Variants in MUC12 observed in about 807,000 individuals in gnomAD.
The protein encoded by MUC12 is mucin 12, cell surface associated.
A neutral mutation model predicts 230.8 loss-of-function variants in MUC12; 172 were observed. The ratio of observed to expected loss-of-function variants is 0.75; its 90% CI spans 0.66 to 0.85. The LOEUF (loss-of-function observed/expected upper bound fraction) is 0.85. Among genes scored for constraint, MUC12 ranks in the 40% least tolerant of loss-of-function variants. MUC12 has a pLI of 0.00. For synonymous variants in MUC12, 1,259 were observed against 2,401.9 expected, an observed-to-expected ratio of 0.52 and a Z score of 13.91; for missense variants, 3,506 against 5,920.6, an observed-to-expected ratio of 0.59 and a Z score of 13.38.
rs1466446663 is a variant in MUC12 at position 100,995,576 on chromosome 7, C to G, written c.5013C>G (p.His1671Gln). 3.9e-6 allele frequency: 6 copies of G among 1,536,660 alleles called. No individual in the cohort carries two copies. Among genetic ancestry groups the G allele is most frequent in the Non-Finnish European group, 5.2e-6 (6 of 1,146,980 alleles). The change falls in exon 2 of 12, where the codon CAC becomes CAG. Residue 1671 changes from histidine (H) to glutamine (Q), a missense_variant. His to Gln is a conservative substitution (Grantham distance 24, BLOSUM62 0). Coordinates refer to ENST00000536621, the MANE Select transcript of MUC12 (RefSeq NM_001164462.2). ...TPVHSSTGSPHTTLSPAGSTT... is the reference protein window; with the variant it reads ...TPVHSSTGSPQTTLSPAGSTT... ...TCCACAGCAGCACTGGATCGCCACA[C>G]ACAACACTGTCCCCTGCCGGCTCTA...
chr7:101,011,616 CTCA>C (rs746807539), intron 5 of MUC12, among the ~76,000 whole-genome samples: 58 of 152,052 alleles, frequency 3.8e-4, no homozygotes, highest in Admixed American at 7.9e-4. Flanking sequence ...GAGATGGGGT[CTCA>C]TCATGTTGCC....
rs755390941 is a variant in MUC12 at position 100,990,658 on chromosome 7, G to T, written c.95G>T (p.Gly32Val). 2.6e-6 allele frequency: 4 copies of T among 1,537,412 alleles called. No individual in the cohort carries two copies. In the African/African-American group the frequency reaches 5.5e-5, roughly 21 times the overall value. Residue 32 changes from glycine (G) to valine (V), a missense_variant, in exon 2 of 12, where the codon GGT (glycine) becomes GTT (valine). Gly to Val is a moderately radical substitution (Grantham distance 109). Coordinates refer to ENST00000536621, the MANE Select transcript of MUC12 (RefSeq NM_001164462.2). ...TCAACAGTAAACACCAGTATTGGAG[G>T]TAATACAACTTCTGCATCCACACCC... is the stretch of plus-strand genomic sequence containing the variant. ...PGSTVNTSIGGNTTSASTPSS... is the reference protein window; with the variant it reads ...PGSTVNTSIGVNTTSASTPSS...
Position 101,005,469 on chromosome 7 carries a change from G to A in MUC12, c.14906G>A (p.Ser4969Asn). The A allele has an allele frequency of 1.3e-6, 2 of 1,537,720 alleles. No homozygotes were observed. Among genetic ancestry groups the A allele is most frequent in the African/African-American group, 1.4e-5 (1 of 73,160 alleles). The change falls in exon 2 of 12, where the codon AGC (serine) becomes AAC (asparagine). Residue 4969 changes from serine to asparagine, a missense_variant. Physicochemically the swap from Ser to Asn is conservative, Grantham distance 46. Coordinates refer to ENST00000536621, the MANE Select transcript of MUC12 (RefSeq NM_001164462.2). ...EESTTFHTSP[S>N]FTSTIVSTES... ...TCTACCACCTTCCACACCAGTCCAAGCTTCACTTCTACAATTGTGTCTACT... is the reference window on the plus strand; with the variant it reads ...TCTACCACCTTCCACACCAGTCCAAACTTCACTTCTACAATTGTGTCTACT...
chr7:101,017,466 G>T, intron 10 of MUC12, 109 bp from the exon 11 acceptor site: 1 of 708,092 alleles, frequency 1.4e-6, no homozygotes, highest in Admixed American at 2.4e-5. Flanking sequence ...GGGAAAGGGC[G>T]TAGGGCAGAT....
chr7:100,995,712 C>G lies in MUC12; in HGVS notation c.5149C>G (p.His1717Asp), dbSNP rs1319642071. The G allele has an allele frequency of 7.8e-6, 12 of 1,536,746 alleles. No homozygotes were observed. The highest frequency in any genetic ancestry group is 1.0e-5 in the Non-Finnish European group (12 of 1,146,942). Residue 1717 changes from histidine to aspartate, a missense_variant, in exon 2 of 12, where the codon CAC (histidine) becomes GAC (aspartate). Physicochemically the swap from His to Asp is moderately conservative, Grantham distance 81. Transcript: ENST00000536621. ...CTTTGTTGAGCTATCTACAACCTCC[C>G]ACGGCAGCCCGAGCTCAACTCCAAC... ...SAFVELSTTS[H>D]GSPSSTPTTH... is the part of the protein sequence containing the mutation.
In MUC12 at chr7:101,015,786, C is replaced by T. The variant is rs1233390754; in HGVS notation, c.15877+95C>T. The T allele has an allele frequency of 2.6e-6, 3 of 1,165,160 alleles. No individual in the cohort carries two copies. The African/African-American group carries it at 4.6e-5, about 18-fold the overall frequency. 72.2% of individuals were successfully genotyped at this position (1,165,160 alleles called of 1,614,324 possible). A position where few individuals can be genotyped will look rare whatever the true frequency, so the allele number is the denominator to read the frequency against. ...CTGTGGGGGTGACGTGGGGTCCAGC[C>T]CCCCTTTGGGGTGGCTGTGACTGAC... On this transcript the variant is annotated intron_variant, in intron 10 of 11. Transcript: ENST00000536621.
intron 1 of MUC12, among the ~76,000 whole-genome samples, chr7:100,989,012 C>G (rs1320038410): frequency 1.3e-5 from 2 of 152,060 alleles, no homozygotes; most frequent in African/African-American, 2.4e-5. Flanking sequence ...ATTGTGAGGC[C>G]TCCCCAGACA....
Position 100,991,070 on chromosome 7 carries a change from C to T in MUC12, c.507C>T (p.His169=). The part of the protein sequence containing the change: ...SGVSEKSTTS[H]SRPGPTHTIA... ...TCAGTGAAAAATCAACCACCTCCCA[C>T]AGCCGACCAGGCCCAACGCACACAA... The change falls in exon 2 of 12, where the codon CAC becomes CAT. Residue 169 remains histidine (H), a synonymous_variant. Transcript: ENST00000536621. The T allele has an allele frequency of 6.5e-7, 1 of 1,537,694 alleles. No individual in the cohort carries two copies.
Position 100,995,553 on chromosome 7 carries a change from C to G in MUC12, c.4990C>G (p.His1664Asp), listed in dbSNP as rs766347330. 1.3e-6 allele frequency: 2 copies of G among 1,536,642 alleles called. No homozygotes were observed. The highest frequency in any genetic ancestry group is 1.2e-5 in the South Asian group (1 of 84,030). The change falls in exon 2 of 12, where the codon CAC (histidine) becomes GAC (aspartate). Residue 1664 changes from histidine (H) to aspartate (D), a missense_variant. Coordinates refer to ENST00000536621, the MANE Select transcript of MUC12 (RefSeq NM_001164462.2). ...CCTCCTTGAAGCATCTACGCCCGTC[C>G]ACAGCAGCACTGGATCGCCACACAC... ...SGLLEASTPV[H>D]SSTGSPHTTL...
intron 6 of MUC12, 60 bp from the exon 7 acceptor site, chr7:101,012,759 C>A: frequency 6.6e-7 from 1 of 1,511,374 alleles, no homozygotes; most frequent in South Asian, 1.2e-5. Context: ...GCCTGGCTAC[C>A]CCCAGGGAGG....
chr7:100,991,267 G>A lies in MUC12; in HGVS notation c.704G>A (p.Arg235His), dbSNP rs755886803. The A allele has an allele frequency of 5.9e-6, 9 of 1,536,610 alleles. No individual in the cohort carries two copies. The highest frequency in any genetic ancestry group is 3.6e-5 in the South Asian group (3 of 83,978). The change falls in exon 2 of 12, where the codon CGC becomes CAC. Residue 235 changes from arginine (R) to histidine (H), a missense_variant. By Grantham distance (29) the Arg-to-His change is conservative. Coordinates refer to ENST00000536621, the MANE Select transcript of MUC12 (RefSeq NM_001164462.2). ...AGCCCAGGCTACACTAAAACAACAC[G>A]CTTACCTGACAACACCACAACCTCA... ...HSSPGYTKTT[R>H]LPDNTTTSGL...
In MUC12 at chr7:101,005,021, C is replaced by T; in HGVS notation, c.14458C>T (p.Gln4820Ter). 1 of 1,537,666 alleles carries T rather than the reference C, an allele frequency of 6.5e-7. No individual in the cohort carries two copies. Residue 4820 changes from glutamine to a stop codon, truncating the protein, a stop_gained, in exon 2 of 12, where the codon CAA (glutamine) becomes TAA (stop). Transcript: ENST00000536621. LOFTEE classifies it high-confidence loss of function. ...PGSITTSSFA[Q>*]EFTTPHSQPG... ...CAGCATCACAACTTCATCTTTTGCT[C>T]AAGAATTTACCACCCCTCATAGCCA...
At chr7:100,969,812 A>G in intron 1 of MUC12, 123 bp downstream of exon 1, 3 of 1,392,848 alleles carry the variant, frequency 2.2e-6, no homozygotes, top group South Asian at 1.3e-5. Context: ...GGGCTGCCAC[A>G]GGGCTGGAGA....
chr7:101,006,658 T>C (rs1793758001), intron 3 of MUC12, 86 bp downstream of exon 3: 7 of 882,590 alleles, frequency 7.9e-6, no homozygotes, highest in Admixed American at 2.0e-5. Context: ...GATCAGCCAC[T>C]GCCTCACTTG....
chr7:100,977,886 T>A (rs1025514957), intron 1 of MUC12, among the ~76,000 whole-genome samples: 1 of 152,138 alleles, frequency 6.6e-6, no homozygotes. Flanking sequence ...CTAGCTCCTG[T>A]TGACGCCTGG....
At chr7:100,987,084 T>TTTTTTTA (rs1491568458) in intron 1 of MUC12, among the ~76,000 whole-genome samples, 1 of 89,754 alleles carries the variant, frequency 1.1e-5, no homozygotes, top group African/African-American at 4.0e-5. Flanking sequence ...TTTTTTTTTT[T>TTTTTTTA]GAGACAGAGT....
chr7:100,973,106 C>T, intron 1 of MUC12: 2 of 532,508 alleles, frequency 3.8e-6, no homozygotes, highest in East Asian at 6.2e-5. Context: ...TCACAGGAAC[C>T]TCTGTGGGCT....
rs565532709 is a variant in MUC12 at position 100,985,570 on chromosome 7, C to T, written c.68-5061C>T. ...TCTTCCAAAGTTAGTTCAGCCTACTCCCAAGAATGAACAAGGACAGCTTGG... is the reference window on the plus strand; with the variant it reads ...TCTTCCAAAGTTAGTTCAGCCTACTTCCAAGAATGAACAAGGACAGCTTGG... On this transcript the variant is annotated intron_variant, in intron 1 of 11. Coordinates refer to ENST00000536621, the MANE Select transcript of MUC12 (RefSeq NM_001164462.2). Among the ~76,000 whole-genome samples the T allele has an allele frequency of 3.9e-5, 6 of 152,318 alleles. No homozygotes were observed. In the East Asian group the frequency reaches 1.2e-3, roughly 29 times the overall value.
rs1793619994 is a variant in MUC12 at position 101,002,432 on chromosome 7, A to T, written c.11869A>T (p.Thr3957Ser). The T allele has an allele frequency of 6.5e-7, 1 of 1,537,622 alleles. No homozygotes were observed. Among genetic ancestry groups the T allele is most frequent in the Admixed American group, 2.0e-5 (1 of 50,958 alleles). ...PDATLSPATT[T>S]SSGVSEESST... ...TGCAACACTCTCACCTGCAACCACA[A>T]CAAGCTCAGGCGTCAGCGAAGAATC... is the stretch of plus-strand genomic sequence containing the variant. The change falls in exon 2 of 12, where the codon ACA (threonine) becomes TCA (serine). Residue 3957 changes from threonine to serine, a missense_variant. By Grantham distance (58) the Thr-to-Ser change is moderately conservative. Coordinates refer to ENST00000536621, the MANE Select transcript of MUC12 (RefSeq NM_001164462.2).
Sources: gnomAD v4.1 joint callset for allele counts (sites outside exome capture counted in the v4.1 genomes callset) on GRCh38, gnomAD v4.1.1 for gene constraint, MANE v1.5 for transcripts, NCBI Gene and HGNC (gene_info 2026-07-23, HGNC 2026-07-21) for gene names.